PKHD1L1: variants seen among roughly 807,000 people sequenced by gnomAD.
The protein encoded by PKHD1L1 is fibrocystin-L.
PKHD1L1 carries 434 observed loss-of-function variants against 462.9 expected under a neutral mutation model. That is an observed-to-expected ratio of 0.94 (90% CI 0.87 to 1.02). The LOEUF (loss-of-function observed/expected upper bound fraction) is 1.02, where lower values mean the gene tolerates loss of function less well. Ranked by LOEUF, PKHD1L1 falls within the 50% of genes least tolerant of loss-of-function variation. The probability of loss-of-function intolerance (pLI) is 0.00; values close to 1 mark genes in which losing one functional copy is unlikely to be tolerated. For missense variants in PKHD1L1, 5,202 were observed against 5,096.1 expected (o/e 1.02, Z -0.63); for synonymous variants, 1,781 against 1,750.0 (o/e 1.02, Z -0.44).
At chr8:109,375,093 C>G (rs187883511) in intron 2 of PKHD1L1, among the ~76,000 whole-genome samples, 6 of 152,080 alleles carry the variant, frequency 3.9e-5, no homozygotes, top group African/African-American at 1.4e-4. Context: ...TCCTGCAGAG[C>G]GTTTTCCAAC....
At chr8:109,412,454 A>C (rs1813907508) in intron 20 of PKHD1L1, 40 bp downstream of exon 20, 3 of 1,516,056 alleles carry the variant, frequency 2.0e-6, no homozygotes, top group Non-Finnish European at 2.7e-6. Flanking sequence ...AATCTGGAAA[A>C]TACCTTGGTA....
chr8:109,453,221 C>G (rs918475559), intron 43 of PKHD1L1, among the ~76,000 whole-genome samples: 3 of 151,948 alleles, frequency 2.0e-5, no homozygotes, highest in African/African-American at 7.3e-5. Flanking sequence ...TAGATCACAA[C>G]AAAAAAGGTA....
rs79912826 is a variant in PKHD1L1, at chr8:109,476,351, G to A, written c.8758-157G>A. Among the ~76,000 whole-genome samples, 1,153 of 151,884 alleles carry A rather than the reference G, an allele frequency of 7.6e-3. 4 individuals carry two copies. The highest frequency in any genetic ancestry group is 0.014 in the Middle Eastern group (4 of 292). ...CATTATTGTCATAGACATGTAAAAC[G>A]TTAATAAACAAAATAGAAATTCAAG... On this transcript the variant is annotated intron_variant, in intron 51 of 77. Transcript: ENST00000378402.
At chr8:109,463,114 T>G (rs1010257402) in intron 48 of PKHD1L1, among the ~76,000 whole-genome samples, 1 of 152,170 alleles carries the variant, frequency 6.6e-6, no homozygotes, top group African/African-American at 2.4e-5. Flanking sequence ...GCTGATTCCC[T>G]GGAACAATGC....
chr8:109,461,966 T>C (rs1339711636), intron 48 of PKHD1L1, 58 bp downstream of exon 48: 25 of 1,533,776 alleles, frequency 1.6e-5, no homozygotes, highest in Non-Finnish European at 2.2e-5. Flanking sequence ...ATACAAGAAA[T>C]GTGTGTTGAA....
intron 73 of PKHD1L1, among the ~76,000 whole-genome samples, chr8:109,519,972 C>A (rs1820464468): frequency 6.6e-6 from 1 of 152,060 alleles, no homozygotes; most frequent in South Asian, 2.1e-4. Context: ...ACTCATTTTC[C>A]CAAGAGGTTT....
At position 109,481,435 on chromosome 8, in the gene PKHD1L1, A is replaced by T. The variant is rs975552186; in HGVS notation, c.9330A>T (p.Gly3110=). 1.1e-5 allele frequency: 17 copies of T among 1,591,504 alleles called. No individual in the cohort carries two copies. The highest frequency in any genetic ancestry group is 1.4e-5 in the Non-Finnish European group (16 of 1,169,066). Reference sequence around the variant, plus strand: ...AACAATTTTCTGCTTCATTTCAGGGAGGTAGATTAATCGGTGGCTGGGAAG... The same window carrying T: ...AACAATTTTCTGCTTCATTTCAGGGTGGTAGATTAATCGGTGGCTGGGAAG... The part of the protein sequence containing the change: ...VLNATYISLQ[G]GRLIGGWEDN... The change falls in exon 56 of 78, where the codon GGA becomes GGT. Residue 3110 remains glycine (G), a splice_region_variant and synonymous_variant. Transcript: ENST00000378402.
chr8:109,510,358 G>A (rs1174923553), intron 70 of PKHD1L1, among the ~76,000 whole-genome samples: 1 of 152,092 alleles, frequency 6.6e-6, no homozygotes, highest in Admixed American at 6.6e-5. Context: ...GCCTGAGAAA[G>A]TTCAATTCCC....
intron 67 of PKHD1L1, among the ~76,000 whole-genome samples, chr8:109,501,559 A>G (rs1236178685): frequency 6.6e-6 from 1 of 152,212 alleles, no homozygotes; most frequent in East Asian, 1.9e-4. Flanking sequence ...GAGGAATGGT[A>G]GTATACTAAA....
Position 109,444,721 on chromosome 8 carries a change from C to T in PKHD1L1, c.4852C>T (p.His1618Tyr). 1.9e-6 allele frequency: 3 copies of T among 1,613,790 alleles called. No individual in the cohort carries two copies. The highest frequency in any genetic ancestry group is 2.5e-6 in the Non-Finnish European group (3 of 1,179,698). The stretch of plus-strand genomic sequence containing the variant: ...AAGTAGTGAGGATTCAATTACATGT[C>T]ATATTGACCCTCAAAACTCAATGGA... ...EESSEDSITC[H>Y]IDPQNSMDVG... The change falls in exon 38 of 78, where the codon CAT becomes TAT. Residue 1618 changes from histidine (H) to tyrosine (Y), a missense_variant. By Grantham distance (83) the His-to-Tyr change is moderately conservative. Around this residue, in one of 3 missense-constraint regions of PKHD1L1, gnomAD observed 4,497 missense variants for 4,336.8 expected, o/e 1.04. Coordinates refer to ENST00000378402, the MANE Select transcript of PKHD1L1 (RefSeq NM_177531.6).
In PKHD1L1 at chr8:109,533,022, G is replaced by A. The variant is rs963880388; in HGVS notation, c.*2932G>A. Among the ~76,000 whole-genome samples the A allele has an allele frequency of 6.6e-6, 1 of 152,194 alleles. No individual in the cohort carries two copies. Among genetic ancestry groups the A allele is most frequent in the Non-Finnish European group, 1.5e-5 (1 of 68,028 alleles). Reference sequence around the variant, plus strand: ...GAAACTTGAAATGTTGAAGGGTTAGGTTAAATTCCCAAGTTCACAGAGCTA... The same window carrying A: ...GAAACTTGAAATGTTGAAGGGTTAGATTAAATTCCCAAGTTCACAGAGCTA... On this transcript the variant is annotated 3_prime_UTR_variant, in exon 78 of 78. Transcript: ENST00000378402.
intron 55 of PKHD1L1, 132 bp downstream of exon 55, chr8:109,480,271 C>A (rs991704776): frequency 2.1e-6 from 2 of 941,948 alleles, no homozygotes; most frequent in East Asian, 2.7e-5. Flanking sequence ...CCATTAAATG[C>A]AAGTCTCAGT....
At chr8:109,517,003 G>A (rs1820302487) in intron 72 of PKHD1L1, among the ~76,000 whole-genome samples, 1 of 151,944 alleles carries the variant, frequency 6.6e-6, no homozygotes, top group African/African-American at 2.4e-5. Context: ...AATGAAAAAA[G>A]CAGACATAGA....
intron 2 of PKHD1L1, among the ~76,000 whole-genome samples, chr8:109,367,434 A>G (rs2130309496): frequency 6.6e-6 from 1 of 152,394 alleles, no homozygotes; most frequent in South Asian, 2.1e-4. Flanking sequence ...AAAATATTAT[A>G]GAAATACTTG....
intron 71 of PKHD1L1, among the ~76,000 whole-genome samples, chr8:109,512,336 A>G (rs866200924): frequency 0.026 from 3,926 of 150,612 alleles, 105 homozygotes; most frequent in African/African-American, 0.066. Context: ...TAGGTCTAAC[A>G]TTTAAGTCTT....
intron 63 of PKHD1L1, among the ~76,000 whole-genome samples, chr8:109,496,632 C>T (rs576705066): frequency 2.4e-4 from 36 of 152,154 alleles, no homozygotes; most frequent in Non-Finnish European, 4.1e-4. Context: ...GTGGGGCATG[C>T]CTGTAGTCCC....
chr8:109,405,238 A>C (rs1813474752), intron 16 of PKHD1L1, 108 bp downstream of exon 16: 1 of 681,706 alleles, frequency 1.5e-6, no homozygotes, highest in Non-Finnish European at 2.2e-6. Context: ...AGTTTTGATG[A>C]TATGCTAGAC....
Position 109,370,420 on chromosome 8 carries a change from T to C in PKHD1L1, c.163+5784T>C, listed in dbSNP as rs1023935475. On this transcript the variant is annotated intron_variant, in intron 2 of 77. Coordinates refer to ENST00000378402, the MANE Select transcript of PKHD1L1 (RefSeq NM_177531.6). ...TGAGCCACCGCACCTGGCCTCTGTG[T>C]TATTTTTAAAAAGGGATATTAATGA... 1.2e-4 allele frequency among the ~76,000 whole-genome samples: 18 copies of C among 152,010 alleles called. 1 individual carries two copies. Among genetic ancestry groups the C allele is most frequent in the Non-Finnish European group, 2.5e-4 (17 of 68,014 alleles).
intron 77 of PKHD1L1, among the ~76,000 whole-genome samples, chr8:109,529,781 A>G (rs1367777745): frequency 2.6e-5 from 4 of 152,242 alleles, no homozygotes; most frequent in African/African-American, 9.6e-5. Flanking sequence ...TTGCATTCTG[A>G]ATGAATAATA....
Sources: allele counts gnomAD v4.1 joint callset (sites outside exome capture counted in the v4.1 genomes callset), GRCh38; gene constraint gnomAD v4.1.1; regional missense constraint gnomAD v4.1.1; transcripts MANE v1.5; gene names NCBI Gene and HGNC (gene_info 2026-07-23, HGNC 2026-07-21).